The following CAB39 variants were observed in gnomAD, a reference collection of about 807,000 sequenced individuals.
CAB39 encodes calcium binding protein 39, also known as calcium-binding protein 39.
CAB39 carries 8 observed loss-of-function variants against 40.0 expected under a neutral mutation model. The observed-to-expected ratio is 0.20, with a 90% CI of 0.12 to 0.36. The LOEUF (loss-of-function observed/expected upper bound fraction) is 0.36. Among genes scored for constraint, CAB39 ranks in the 10% least tolerant of loss-of-function variants. The pLI is 1.00. For synonymous variants in CAB39, 156 were observed against 141.6 expected, an observed-to-expected ratio of 1.10 and a Z score of -0.72; for missense variants, 270 against 401.1, an observed-to-expected ratio of 0.67 and a Z score of 2.79.
intron 2 of CAB39, among the ~76,000 whole-genome samples, chr2:230,789,528 G>A (rs1351591568): frequency 6.6e-6 from 1 of 152,192 alleles, no homozygotes; most frequent in African/African-American, 2.4e-5. Flanking sequence ...TGAGTACTTT[G>A]CTTGATGACT....
At chr2:230,786,560 C>G (rs1695797960) in intron 2 of CAB39, among the ~76,000 whole-genome samples, 1 of 152,188 alleles carries the variant, frequency 6.6e-6, no homozygotes, top group South Asian at 2.1e-4. Context: ...TCTTACTCAT[C>G]TTTTGCTGTC....
chr2:230,811,765 G>A (rs1182029609), intron 6 of CAB39, among the ~76,000 whole-genome samples: 2 of 152,210 alleles, frequency 1.3e-5, no homozygotes, highest in African/African-American at 2.4e-5. Flanking sequence ...CTTAATAAAC[G>A]TTAGTTCATT....
At chr2:230,809,241 C>G (rs1489977558) in intron 5 of CAB39, among the ~76,000 whole-genome samples, 1 of 152,194 alleles carries the variant, frequency 6.6e-6, no homozygotes, top group Non-Finnish European at 1.5e-5. Context: ...GTTTGCTTGA[C>G]CATGGGACAT....
At chr2:230,751,371 C>T (rs1225357750) in intron 1 of CAB39, among the ~76,000 whole-genome samples, 3 of 152,192 alleles carry the variant, frequency 2.0e-5, no homozygotes, top group Admixed American at 6.5e-5. Context: ...TGAGAGCAGG[C>T]ACTCTTGATG....
intron 1 of CAB39, among the ~76,000 whole-genome samples, chr2:230,721,832 C>T (rs893557995): frequency 1.3e-5 from 2 of 152,144 alleles, no homozygotes; most frequent in Non-Finnish European, 2.9e-5. Flanking sequence ...ATTATATTTC[C>T]TTCCTTCAAG....
chr2:230,817,923 A>C (rs2124988505), intron 8 of CAB39, 26 bp downstream of exon 8: 1 of 1,590,476 alleles, frequency 6.3e-7, no homozygotes, highest in East Asian at 2.3e-5. Context: ...CATCAGTGAT[A>C]CTGTCCACTG....
intron 2 of CAB39, among the ~76,000 whole-genome samples, chr2:230,780,855 G>C (rs181718692): frequency 6.6e-6 from 1 of 152,154 alleles, no homozygotes; most frequent in South Asian, 2.1e-4. Flanking sequence ...GGCTGAGGGG[G>C]CTGATAACTC....
At chr2:230,812,107 G>A (rs1234647628) in intron 6 of CAB39, among the ~76,000 whole-genome samples, 1 of 152,162 alleles carries the variant, frequency 6.6e-6, no homozygotes, top group African/African-American at 2.4e-5. Context: ...TAACCAAAGC[G>A]TAGAAAGAAA....
At chr2:230,747,094 T>C (rs528182720) in intron 1 of CAB39, among the ~76,000 whole-genome samples, 82 of 152,286 alleles carry the variant, frequency 5.4e-4, no homozygotes, top group African/African-American at 1.9e-3. Context: ...AGCTCATGCC[T>C]GTAATGCCAG....
At chr2:230,794,027 G>T (rs1239210292) in intron 4 of CAB39, among the ~76,000 whole-genome samples, 1 of 152,206 alleles carries the variant, frequency 6.6e-6, no homozygotes, top group African/African-American at 2.4e-5. Context: ...CACCAGAGTT[G>T]TGTGCCAGCC....
At chr2:230,764,420 A>T (rs1695346908) in intron 2 of CAB39, among the ~76,000 whole-genome samples, 1 of 152,196 alleles carries the variant, frequency 6.6e-6, no homozygotes, top group Non-Finnish European at 1.5e-5. Flanking sequence ...TGTGTAGTAC[A>T]TGCACTTTTG....
chr2:230,777,888 G>A (rs1239968091), intron 2 of CAB39, among the ~76,000 whole-genome samples: 1 of 152,138 alleles, frequency 6.6e-6, no homozygotes, highest in Admixed American at 6.5e-5. Context: ...TAATTCACAG[G>A]AAGTTGCAGA....
chr2:230,721,511 A>G (rs1359364300), intron 1 of CAB39, among the ~76,000 whole-genome samples: 2 of 152,254 alleles, frequency 1.3e-5, no homozygotes, highest in Non-Finnish European at 2.9e-5. Context: ...TTATCTTTTT[A>G]TCTCAGCTAT....
chr2:230,787,220 TA>T (rs1201935821), intron 2 of CAB39, among the ~76,000 whole-genome samples: 7 of 152,198 alleles, frequency 4.6e-5, no homozygotes, highest in African/African-American at 1.4e-4. Flanking sequence ...AATAGTTGCA[TA>T]TATACATGAC....
chr2:230,722,356 T>C (rs578165178), intron 1 of CAB39, among the ~76,000 whole-genome samples: 31 of 152,306 alleles, frequency 2.0e-4, no homozygotes, highest in African/African-American at 7.5e-4. Flanking sequence ...GGGGTCTCAC[T>C]ATATTGCCCA....
chr2:230,752,043 C>CA (rs1553669861), intron 1 of CAB39: 45 of 93,122 alleles, frequency 4.8e-4, no homozygotes, highest in Non-Finnish European at 7.4e-4. Flanking sequence ...CCCCCCCCCC[C>CA]ACATACACAC....
At chr2:230,779,492 T>C (rs573995169) in intron 2 of CAB39, 3 of 152,370 alleles carry the variant, frequency 2.0e-5, no homozygotes, top group East Asian at 3.9e-4. Context: ...TGTTCTCTTA[T>C]GCCTTTCTTC....
intron 1 of CAB39, among the ~76,000 whole-genome samples, chr2:230,751,594 C>T (rs1476060562): frequency 6.6e-6 from 1 of 152,132 alleles, no homozygotes; most frequent in Non-Finnish European, 1.5e-5. Context: ...ATGGTGTGGG[C>T]TTTTATTTTC....
intron 5 of CAB39, among the ~76,000 whole-genome samples, chr2:230,805,122 T>G (rs572135983): frequency 3.0e-4 from 45 of 152,214 alleles, no homozygotes; most frequent in African/African-American, 8.7e-4. Context: ...CTTGAAACCA[T>G]CATTCTGAGC....
Sources: gnomAD v4.1 joint callset for allele counts (sites outside exome capture counted in the v4.1 genomes callset) on GRCh38, gnomAD v4.1.1 for gene constraint, MANE v1.5 for transcripts, NCBI Gene and HGNC (gene_info 2026-07-23, HGNC 2026-07-21) for gene names.